DGKB: variants seen among roughly 807,000 people sequenced by gnomAD.
DGKB encodes the protein 90 kDa diacylglycerol kinase.
DGKB carries 67 observed loss-of-function variants against 114.3 expected under a neutral mutation model. That is an observed-to-expected ratio of 0.59 (90% CI 0.48 to 0.72). The LOEUF is 0.72. Ranked by LOEUF, DGKB falls within the 30% of genes least tolerant of loss-of-function variation. The probability of loss-of-function intolerance (pLI) is 0.00; values close to 1 mark genes in which losing one functional copy is unlikely to be tolerated. For synonymous variants in DGKB, 398 were observed against 323.1 expected, an observed-to-expected ratio of 1.23 and a Z score of -2.49; for missense variants, 907 against 975.2, an observed-to-expected ratio of 0.93 and a Z score of 0.93.
At chr7:14,780,365 G>A (rs1195184154) in intron 2 of DGKB, among the ~76,000 whole-genome samples, 3 of 152,046 alleles carry the variant, frequency 2.0e-5, no homozygotes, top group Admixed American at 6.5e-5. Context: ...ACACATTTCC[G>A]TATTTTGCCT....
chr7:14,169,152 G>T (rs957551512), intron 25 of DGKB, among the ~76,000 whole-genome samples: 6 of 151,438 alleles, frequency 4.0e-5, no homozygotes, highest in Admixed American at 6.6e-5. Context: ...AAGGTCAGGA[G>T]ATCAAGACCA....
At chr7:14,633,216 CAG>C (rs1256405678) in intron 13 of DGKB, among the ~76,000 whole-genome samples, 1 of 151,790 alleles carries the variant, frequency 6.6e-6, no homozygotes, top group African/African-American at 2.4e-5. Context: ...GGTAATGAAA[CAG>C]AGGTTTGTCA....
chr7:14,821,396 CTG>C (rs1844910025), intron 2 of DGKB, among the ~76,000 whole-genome samples: 1 of 152,072 alleles, frequency 6.6e-6, no homozygotes, highest in Admixed American at 6.6e-5. Flanking sequence ...ATCACATTAA[CTG>C]TGTTGAAGAA....
chr7:14,287,221 T>A (rs1384244159), intron 23 of DGKB, among the ~76,000 whole-genome samples: 1 of 152,112 alleles, frequency 6.6e-6, no homozygotes, highest in African/African-American at 2.4e-5. Flanking sequence ...TTTGAGCATG[T>A]TGAATATATC....
chr7:14,158,709 A>G (rs1783412364), intron 25 of DGKB, among the ~76,000 whole-genome samples: 1 of 152,192 alleles, frequency 6.6e-6, no homozygotes. Flanking sequence ...TGCTTAAGGC[A>G]TTGAATAGGG....
chr7:14,543,949 TTG>T (rs1223151148), intron 20 of DGKB, among the ~76,000 whole-genome samples: 1 of 152,168 alleles, frequency 6.6e-6, no homozygotes, highest in Non-Finnish European at 1.5e-5. Context: ...AAGAATAAAT[TTG>T]TGATAACACA....
chr7:14,638,927 A>G (rs1811234062), intron 13 of DGKB, among the ~76,000 whole-genome samples: 2 of 152,114 alleles, frequency 1.3e-5, no homozygotes, highest in East Asian at 1.9e-4. Flanking sequence ...AATCATGGCT[A>G]CTCAGGAGGC....
chr7:14,400,358 T>C (rs938446742), intron 21 of DGKB, among the ~76,000 whole-genome samples: 3 of 151,848 alleles, frequency 2.0e-5, no homozygotes, highest in Non-Finnish European at 2.9e-5. Flanking sequence ...ATTTCAGGTC[T>C]CTTCTGCTGT....
At chr7:14,954,801 C>T (rs1237178695) in intron 1 of DGKB, among the ~76,000 whole-genome samples, 1 of 151,886 alleles carries the variant, frequency 6.6e-6, no homozygotes, top group Non-Finnish European at 1.5e-5. Flanking sequence ...TGGAGATAAC[C>T]AGTAAATAGT....
Position 14,339,294 on chromosome 7 carries a change from A to C in DGKB, c.1927-584T>G, listed in dbSNP as rs61046075. Reference sequence around the variant, plus strand: ...TACCAAGGGTGGTTTCTTGGACTAGATGAAGTCCTAAGGAGATGTCAAAGG... The same window carrying C: ...TACCAAGGGTGGTTTCTTGGACTAGCTGAAGTCCTAAGGAGATGTCAAAGG... On this transcript the variant is annotated intron_variant, in intron 22 of 25. Transcript: ENST00000402815. 5.8e-3 allele frequency among the ~76,000 whole-genome samples: 878 copies of C among 152,098 alleles called. 6 individuals are homozygous for C. Among genetic ancestry groups the C allele is most frequent in the African/African-American group, 0.02 (838 of 41,542 alleles).
Position 14,685,311 on chromosome 7 carries a change from G to C in DGKB, c.763C>G (p.Pro255Ala). Residue 255 changes from proline to alanine, a missense_variant, in exon 10 of 26, where the codon CCT becomes GCT. This residue lies in a region of DGKB where 814 missense variants were observed against 856.6 expected (regional missense o/e 0.95). Transcript: ENST00000402815. ...HVWRLKHFNK[P>A]AYCNLCLNML... ...TTCAGGCAAAGGTTGCAATAGGCAGGTTTGTTAAAGTGCTTCAGTCGCCAC... is the reference window on the plus strand; with the variant it reads ...TTCAGGCAAAGGTTGCAATAGGCAGCTTTGTTAAAGTGCTTCAGTCGCCAC... 4 of 1,613,864 alleles carry C rather than the reference G, an allele frequency of 2.5e-6. No individual in the cohort carries two copies. The highest frequency in any genetic ancestry group is 3.4e-6 in the Non-Finnish European group (4 of 1,179,804).
At chr7:14,149,878 A>G (rs780191742) in intron 25 of DGKB, among the ~76,000 whole-genome samples, 3 of 152,188 alleles carry the variant, frequency 2.0e-5, no homozygotes, top group Non-Finnish European at 2.9e-5. Flanking sequence ...AAACACTTTG[A>G]GAGACTGTTC....
chr7:14,521,410 C>T (rs1789746587), intron 20 of DGKB, among the ~76,000 whole-genome samples: 1 of 152,112 alleles, frequency 6.6e-6, no homozygotes, highest in African/African-American at 2.4e-5. Flanking sequence ...TGGTGCAGAT[C>T]ACTTGATATT....
chr7:14,841,082 A>T, intron 2 of DGKB, 112 bp downstream of exon 2: 1 of 919,702 alleles, frequency 1.1e-6, no homozygotes, highest in South Asian at 1.9e-5. Flanking sequence ...CAAAAGGCAG[A>T]GCTGGATCTA....
intron 2 of DGKB, among the ~76,000 whole-genome samples, chr7:14,798,295 CTG>C (rs1841689278): frequency 6.6e-6 from 1 of 152,110 alleles, no homozygotes; most frequent in African/African-American, 2.4e-5. Flanking sequence ...AGGAATTTGT[CTG>C]TTTCCTATCG....
At chr7:14,305,713 G>A (rs1053889004) in intron 23 of DGKB, among the ~76,000 whole-genome samples, 1 of 152,058 alleles carries the variant, frequency 6.6e-6, no homozygotes, top group Non-Finnish European at 1.5e-5. Context: ...GTAATTTCAA[G>A]GCCTTGATTT....
At chr7:14,256,118 T>A (rs1176082258) in intron 23 of DGKB, among the ~76,000 whole-genome samples, 3 of 113,968 alleles carry the variant, frequency 2.6e-5, no homozygotes, top group Admixed American at 8.5e-5. Flanking sequence ...CTAGCTTGTT[T>A]GTTTTATTTG....
chr7:14,200,228 A>T (rs1163917876), intron 23 of DGKB, among the ~76,000 whole-genome samples: 1 of 152,036 alleles, frequency 6.6e-6, no homozygotes, highest in Non-Finnish European at 1.5e-5. Context: ...CAATATGTTT[A>T]TGACTCTTTT....
intron 21 of DGKB, among the ~76,000 whole-genome samples, chr7:14,396,525 G>C (rs1240661951): frequency 6.6e-6 from 1 of 152,206 alleles, no homozygotes; most frequent in Admixed American, 6.5e-5. Flanking sequence ...TCACCTCAAA[G>C]CTGAAAACTC....
Sources: gnomAD v4.1 joint callset for allele counts (sites outside exome capture counted in the v4.1 genomes callset) on GRCh38, gnomAD v4.1.1 for gene constraint, gnomAD v4.1.1 regional missense constraint, MANE v1.5 for transcripts, NCBI Gene and HGNC (gene_info 2026-07-23, HGNC 2026-07-21) for gene names.